Variants in ROBO2 observed in about 807,000 individuals in gnomAD.
ROBO2 encodes the protein roundabout homolog 2.
A neutral mutation model predicts 160.8 loss-of-function variants in ROBO2; 53 were observed. That is an observed-to-expected ratio of 0.33 (90% CI 0.26 to 0.41). The LOEUF is 0.41. Among genes scored for constraint, ROBO2 ranks in the 10% least tolerant of loss-of-function variants. The probability of loss-of-function intolerance (pLI) is 1.00; values close to 1 mark genes in which losing one functional copy is unlikely to be tolerated. For missense variants in ROBO2, 1,577 were observed against 1,722.4 expected, an observed-to-expected ratio of 0.92 and a Z score of 1.49; for synonymous variants, 664 against 611.7, an observed-to-expected ratio of 1.09 and a Z score of -1.26.
chr3:77,134,176 C>CAAAA (rs577125248), intron 2 of ROBO2, among the ~76,000 whole-genome samples: 2,461 of 141,738 alleles, frequency 0.017, 28 homozygotes, highest in African/African-American at 0.03. Flanking sequence ...AACTTTGGCT[C>CAAAA]AAAAAAAAAA....
intron 2 of ROBO2, among the ~76,000 whole-genome samples, chr3:76,867,667 T>G (rs1398151607): frequency 6.6e-6 from 1 of 152,202 alleles, no homozygotes; most frequent in Non-Finnish European, 1.5e-5. Flanking sequence ...GCACTTAAAC[T>G]GTTACAAATT....
chr3:76,731,578 T>C (rs2093638426), intron 2 of ROBO2, among the ~76,000 whole-genome samples: 1 of 152,226 alleles, frequency 6.6e-6, no homozygotes. Flanking sequence ...AATGACCAGA[T>C]TGAAATAATT....
intron 2 of ROBO2, among the ~76,000 whole-genome samples, chr3:77,112,050 A>G (rs2073656519): frequency 6.6e-6 from 1 of 151,730 alleles, no homozygotes; most frequent in Admixed American, 6.6e-5. Context: ...CATCTCTACA[A>G]AAAAATACAA....
chr3:76,295,409 G>C (rs1310516445), intron 2 of ROBO2, among the ~76,000 whole-genome samples: 1 of 151,832 alleles, frequency 6.6e-6, no homozygotes, highest in Non-Finnish European at 1.5e-5. Context: ...CGTAATCCCT[G>C]CCCTCAAGAT....
intron 1 of ROBO2, among the ~76,000 whole-genome samples, chr3:77,081,948 C>T (rs989933938): frequency 2.0e-5 from 3 of 152,118 alleles, no homozygotes; most frequent in African/African-American, 4.8e-5. Flanking sequence ...AAATACCCTG[C>T]CCTCCAGGAA....
chr3:76,412,009 GA>G (rs2075513930), intron 2 of ROBO2, among the ~76,000 whole-genome samples: 2 of 152,118 alleles, frequency 1.3e-5, no homozygotes, highest in South Asian at 2.1e-4. Flanking sequence ...TGAGACTAGG[GA>G]AAAAAATGGT....
chr3:76,036,393 G>C (rs928404351), intron 2 of ROBO2, among the ~76,000 whole-genome samples: 1 of 151,846 alleles, frequency 6.6e-6, no homozygotes, highest in South Asian at 2.1e-4. Context: ...CAGGTGATCT[G>C]CCTGCCTTGG....
intron 2 of ROBO2, among the ~76,000 whole-genome samples, chr3:76,411,434 T>A (rs1459952740): frequency 1.3e-5 from 2 of 152,216 alleles, no homozygotes; most frequent in East Asian, 3.9e-4. Context: ...AATACTTTTC[T>A]ATTAGGTGGT....
At chr3:76,460,012 A>G (rs1007564971) in intron 2 of ROBO2, among the ~76,000 whole-genome samples, 1 of 152,176 alleles carries the variant, frequency 6.6e-6, no homozygotes, top group Admixed American at 6.5e-5. Flanking sequence ...AAAAGAAGAA[A>G]GCTTAGAAAA....
intron 2 of ROBO2, among the ~76,000 whole-genome samples, chr3:77,364,956 C>A (rs2153472030): frequency 6.6e-6 from 1 of 151,976 alleles, no homozygotes; most frequent in Non-Finnish European, 1.5e-5. Context: ...ACCAGCCTGG[C>A]CAACATGGTG....
intron 2 of ROBO2, among the ~76,000 whole-genome samples, chr3:76,500,403 G>A (rs6784027): frequency 6.6e-5 from 10 of 152,088 alleles, no homozygotes; most frequent in Non-Finnish European, 1.3e-4. Context: ...GTGAGCCACC[G>A]CACCTGGCAA....
At chr3:77,601,767 T>G (rs77759614) in intron 19 of ROBO2, among the ~76,000 whole-genome samples, 1 of 152,240 alleles carries the variant, frequency 6.6e-6, no homozygotes, top group Non-Finnish European at 1.5e-5. Context: ...GTATAATTTT[T>G]GAAATGTTAG....
chr3:75,997,499 C>CTTTTTTTTTTTTTTTTTT (rs56890342), intron 2 of ROBO2, among the ~76,000 whole-genome samples: 1 of 126,524 alleles, frequency 7.9e-6, no homozygotes. Flanking sequence ...TTCATCCATT[C>CTTTTTTTTTTTTTTTTTT]TTTTTTTTTT....
chr3:76,110,402 G>A (rs1397089205), intron 2 of ROBO2, among the ~76,000 whole-genome samples: 6 of 151,990 alleles, frequency 3.9e-5, no homozygotes, highest in African/African-American at 1.4e-4. Context: ...CATGCATTCT[G>A]GCTTTAGAAT....
chr3:77,167,561 G>A (rs1331543374), intron 2 of ROBO2, among the ~76,000 whole-genome samples: 2 of 152,154 alleles, frequency 1.3e-5, no homozygotes, highest in East Asian at 3.9e-4. Flanking sequence ...AAACCCATAT[G>A]TATAATTTTG....
In ROBO2 at chr3:77,153,357, G is replaced by T. The variant is rs562817678; in HGVS notation, c.388+55017G>T. 2.0e-5 allele frequency among the ~76,000 whole-genome samples: 3 copies of T among 152,022 alleles called. No individual in the cohort carries two copies. The South Asian group carries it at 6.2e-4, about 32-fold the overall frequency. On this transcript the variant is annotated intron_variant, in intron 2 of 25. Transcript: ENST00000461745. The stretch of plus-strand genomic sequence containing the variant: ...CTTTCTTAGAATATGTTCCATGAAT[G>T]AAATATGGTCATTAAGTGAATTGAA...
intron 2 of ROBO2, among the ~76,000 whole-genome samples, chr3:76,803,173 GA>G (rs2064359838): frequency 6.6e-6 from 1 of 152,120 alleles, no homozygotes. Context: ...TCATAAGAGA[GA>G]CACCATGGTA....
chr3:77,621,159 C>T (rs2094891359), intron 22 of ROBO2, among the ~76,000 whole-genome samples: 1 of 152,180 alleles, frequency 6.6e-6, no homozygotes, highest in African/African-American at 2.4e-5. Flanking sequence ...AGCATGATAG[C>T]TCATGCCTGT....
intron 2 of ROBO2, among the ~76,000 whole-genome samples, chr3:76,257,253 C>T (rs62268414): frequency 6.6e-6 from 1 of 152,032 alleles, no homozygotes; most frequent in Non-Finnish European, 1.5e-5. Flanking sequence ...CCTTTAATTC[C>T]TTCTTAAATC....
Sources: allele counts gnomAD v4.1 joint callset (sites outside exome capture counted in the v4.1 genomes callset), GRCh38; gene constraint gnomAD v4.1.1; transcripts MANE v1.5; gene names NCBI Gene and HGNC (gene_info 2026-07-23, HGNC 2026-07-21).